Variants in SLC27A5 observed in about 807,000 individuals in gnomAD.
The protein encoded by SLC27A5 is long-chain fatty acid transport protein 5.
SLC27A5 carries 47 observed loss-of-function variants against 63.1 expected under a neutral mutation model. That is an observed-to-expected ratio of 0.74 (90% confidence interval 0.59 to 0.95). The LOEUF is 0.95. Ranked by LOEUF, SLC27A5 falls within the 40% of genes least tolerant of loss-of-function variation. The pLI is 0.00. For missense variants in SLC27A5, 940 were observed against 921.0 expected (o/e 1.02, Z -0.27); for synonymous variants, 391 against 403.8 (o/e 0.97, Z 0.38).
Position 58,510,688 on chromosome 19 carries a change from G to C in SLC27A5, c.898+33C>G, listed in dbSNP as rs754939314. On this transcript the variant is annotated intron_variant, in intron 2 of 9. Coordinates refer to ENST00000263093, the MANE Select transcript of SLC27A5 (RefSeq NM_012254.3). ...GGGGTCAGGTCAGCCTGAGAGTTCA[G>C]AGGCTGGTGCTAGGGCTAATGGGCA... is the stretch of plus-strand genomic sequence containing the variant. The C allele has an allele frequency of 5.2e-6, 8 of 1,539,024 alleles. No individual in the cohort carries two copies. The African/African-American group carries it at 1.1e-4, about 21-fold the overall frequency.
Position 58,511,524 on chromosome 19 carries a change from G to A in SLC27A5, c.432C>T (p.Thr144=). 1.3e-6 allele frequency: 2 copies of A among 1,569,096 alleles called. No homozygotes were observed. Among genetic ancestry groups the A allele is most frequent in the Non-Finnish European group, 1.7e-6 (2 of 1,156,426 alleles). ...VWTGPGAGSV[T]FGELDARACQ... is the part of the protein sequence containing the mutation. ...AGGCCCGGGCATCCAGCTCACCAAA[G>A]GTGACTGAGCCGGCCCCAGGCCCCG... Residue 144 remains threonine, a synonymous_variant, in exon 1 of 10, where the codon ACC becomes ACT. Coordinates refer to ENST00000263093, the MANE Select transcript of SLC27A5 (RefSeq NM_012254.3).
At chr19:58,502,734 G>C (rs951596464) in intron 3 of SLC27A5, among the ~76,000 whole-genome samples, 3 of 150,762 alleles carry the variant, frequency 2.0e-5, no homozygotes, top group Admixed American at 2.0e-4. Flanking sequence ...TAGATGGATG[G>C]GTGGACAGTT....
At chr19:58,505,245 G>A (rs543041641) in intron 3 of SLC27A5, among the ~76,000 whole-genome samples, 36 of 151,384 alleles carry the variant, frequency 2.4e-4, no homozygotes, top group African/African-American at 8.2e-4. Context: ...AAATACAGGC[G>A]CCCACCACCA....
At position 58,511,476 on chromosome 19, in the gene SLC27A5, C is replaced by T. The variant is rs1418815873; in HGVS notation, c.480G>A (p.Lys160=). 3 of 1,583,462 alleles carry T rather than the reference C, an allele frequency of 1.9e-6. No homozygotes were observed. In the African/African-American group the frequency reaches 4.0e-5, roughly 21 times the overall value. ...GGCTCGCAGGGTCACCCAGCTCAGC[C>T]TTCAGGGCCCATGCCGCCTGGCAGG... The part of the protein sequence containing the change: ...ARACQAAWAL[K]AELGDPASLC... The change falls in exon 1 of 10, where the codon AAG becomes AAA. Residue 160 remains lysine, a synonymous_variant. Transcript: ENST00000263093.
At chr19:58,506,565 A>C (rs2053349587) in intron 3 of SLC27A5, among the ~76,000 whole-genome samples, 2 of 152,156 alleles carry the variant, frequency 1.3e-5, no homozygotes, top group African/African-American at 2.4e-5. Context: ...GAAACAGAGA[A>C]GTATATGCGA....
At chr19:58,508,088 T>A (rs1225684609) in intron 3 of SLC27A5, 2 of 152,176 alleles carry the variant, frequency 1.3e-5, no homozygotes, top group African/African-American at 4.8e-5. Flanking sequence ...TATTCTCGGT[T>A]CTTACACCCC....
At chr19:58,507,420 T>A (rs2053360042) in intron 3 of SLC27A5, 1 of 152,210 alleles carries the variant, frequency 6.6e-6, no homozygotes, top group Admixed American at 6.5e-5. Context: ...TACGCCTGTC[T>A]TACTTTCATC....
At position 58,498,356 on chromosome 19, in the gene SLC27A5, T is replaced by C; in HGVS notation, c.*159A>G. 1 of 698,242 alleles carries C rather than the reference T, an allele frequency of 1.4e-6. No individual in the cohort carries two copies. 43.3% of individuals were successfully genotyped at this position (698,242 alleles called of 1,614,324 possible). ...ACTTCTGTGAACACATCTGAGTTTA[T>C]TCTGCCACTGCTACAGGGCCCACTG... On this transcript the variant is annotated 3_prime_UTR_variant, in exon 10 of 10. Transcript: ENST00000263093.
intron 3 of SLC27A5, 109 bp from the exon 4 acceptor site, chr19:58,501,519 T>C (rs1199944151): frequency 1.7e-6 from 2 of 1,207,138 alleles, no homozygotes; most frequent in Admixed American, 2.3e-5. Flanking sequence ...TACAGGACAA[T>C]ACTGAGTTCA....
At position 58,499,431 on chromosome 19, in the gene SLC27A5, T is replaced by C. The variant is rs2053247075; in HGVS notation, c.1667+61A>G. On this transcript the variant is annotated intron_variant, in intron 7 of 9. Coordinates refer to ENST00000263093, the MANE Select transcript of SLC27A5 (RefSeq NM_012254.3). ...CCCGCCTCTTCAGCCTGACTCCCTCTAGGATCTGAAAGCGTCCGTGGCCCC... is the reference window on the plus strand; with the variant it reads ...CCCGCCTCTTCAGCCTGACTCCCTCCAGGATCTGAAAGCGTCCGTGGCCCC... The C allele has an allele frequency of 2.6e-6, 4 of 1,568,490 alleles. No homozygotes were observed. The African/African-American group carries it at 4.1e-5, about 16-fold the overall frequency.
Position 58,506,335 on chromosome 19 carries a change from G to T in SLC27A5, c.1057+3512C>A, listed in dbSNP as rs149797171. Among the ~76,000 whole-genome samples the T allele has an allele frequency of 6.0e-3, 921 of 152,304 alleles. 7 individuals are homozygous for T. The highest frequency in any genetic ancestry group is 9.3e-3 in the Non-Finnish European group (634 of 68,028). ...GGATCACCTGAGGTCAGGAGTTCGA[G>T]ACCAGCCTGGCCAACATGGCAAAAC... is the stretch of plus-strand genomic sequence containing the variant. On this transcript the variant is annotated intron_variant, in intron 3 of 9. Coordinates refer to ENST00000263093, the MANE Select transcript of SLC27A5 (RefSeq NM_012254.3).
At chr19:58,511,204 A>C in intron 1 of SLC27A5, 64 bp downstream of exon 1, 7 of 1,469,608 alleles carry the variant, frequency 4.8e-6, no homozygotes, top group South Asian at 1.4e-5. Context: ...GTCCCAGCAG[A>C]ACCCCTGTCC....
intron 2 of SLC27A5, 160 bp downstream of exon 2, chr19:58,510,561 G>A (rs1383411446): frequency 4.5e-6 from 3 of 659,684 alleles, no homozygotes; most frequent in Middle Eastern, 4.3e-4. Flanking sequence ...GCGACAGAGC[G>A]AGACTCTGCC....
At chr19:58,498,954 G>A (rs1006837339) in intron 8 of SLC27A5, 39 bp from the exon 9 acceptor site, 8 of 1,599,702 alleles carry the variant, frequency 5.0e-6, no homozygotes, top group Non-Finnish European at 6.8e-6. Flanking sequence ...GACCCATCTC[G>A]AGGGCCCATA....
Position 58,499,702 on chromosome 19 carries a change from G to C in SLC27A5, c.1469-12C>G. 1 of 1,609,750 alleles carries C rather than the reference G, an allele frequency of 6.2e-7. No individual in the cohort carries two copies. The highest frequency in any genetic ancestry group is 8.5e-7 in the Non-Finnish European group (1 of 1,179,722). On this transcript the variant is annotated splice_polypyrimidine_tract_variant and intron_variant, in intron 6 of 9. Transcript: ENST00000263093. ...CAGCCCCGGCTCCCCTGGGGTAGGAGCAGGAACAAGAACCCCTGGAGCCCA... is the reference window on the plus strand; with the variant it reads ...CAGCCCCGGCTCCCCTGGGGTAGGACCAGGAACAAGAACCCCTGGAGCCCA...
chr19:58,498,538 A>G lies in SLC27A5; in HGVS notation c.2050T>C (p.Cys684Arg), dbSNP rs755511938. ...PLTAEMYQAVCEGTWRL is the reference protein window; with the variant it reads ...PLTAEMYQAVREGTWRL ...GATCAGAGCCTCCAGGTTCCCTCAC[A>G]CACAGCCTGGTACATTTCTGCCGTC... Residue 684 changes from cysteine (C) to arginine (R), a missense_variant, in exon 10 of 10, where the codon TGT (cysteine) becomes CGT (arginine). Transcript: ENST00000263093. The G allele has an allele frequency of 8.1e-6, 13 of 1,613,360 alleles. No homozygotes were observed. The highest frequency in any genetic ancestry group is 8.5e-6 in the Non-Finnish European group (10 of 1,179,548).
chr19:58,502,283 G>A lies in SLC27A5; in HGVS notation c.1058-873C>T, dbSNP rs145690681. ...GAGTAGTGAGTGAGTAGATGGATGG[G>A]TGAACAGTTAGAGTAGTGAGTGAGA... On this transcript the variant is annotated intron_variant, in intron 3 of 9. Coordinates refer to ENST00000263093, the MANE Select transcript of SLC27A5 (RefSeq NM_012254.3). Among the ~76,000 whole-genome samples the A allele has an allele frequency of 3.8e-3, 567 of 150,486 alleles. 5 individuals carry two copies. The highest frequency in any genetic ancestry group is 0.013 in the African/African-American group (544 of 40,884).
At chr19:58,507,152 T>A (rs1006401590) in intron 3 of SLC27A5, among the ~76,000 whole-genome samples, 1 of 151,738 alleles carries the variant, frequency 6.6e-6, no homozygotes. Flanking sequence ...AGGTCAGGTG[T>A]TGGAGACCAG....
chr19:58,502,932 T>TG (rs1568629150), intron 3 of SLC27A5, among the ~76,000 whole-genome samples: 1 of 151,186 alleles, frequency 6.6e-6, no homozygotes. Flanking sequence ...GGTGGCTGGG[T>TG]GAGGATCGTC....
Sources: gnomAD v4.1 joint callset for allele counts (sites outside exome capture counted in the v4.1 genomes callset) on GRCh38, gnomAD v4.1.1 for gene constraint, MANE v1.5 for transcripts, NCBI Gene and HGNC (gene_info 2026-07-23, HGNC 2026-07-21) for gene names.